The following PRR16 variants were observed in gnomAD, a reference collection of about 807,000 sequenced individuals.
PRR16 encodes the protein protein Largen.
A neutral mutation model predicts 18.2 loss-of-function variants in PRR16; 6 were observed. The observed-to-expected ratio is 0.33, with a 90% CI of 0.18 to 0.65. The LOEUF is 0.65. Ranked by LOEUF, PRR16 falls within the 30% of genes least tolerant of loss-of-function variation. The pLI is 0.74. For missense variants in PRR16, 412 were observed against 376.6 expected (o/e 1.09, Z -0.78); for synonymous variants, 151 against 147.8 (o/e 1.02, Z -0.16).
chr5:120,782,506 C>T, the PRR16 span, among the ~76,000 whole-genome samples: 1 of 152,100 alleles, frequency 6.6e-6, no homozygotes, highest in Non-Finnish European at 1.5e-5. Context: ...TTCCACATTT[C>T]CCTGGATAAG....
At chr5:120,621,326 G>C (rs17500705) in intron 1 of PRR16, among the ~76,000 whole-genome samples, 1 of 151,730 alleles carries the variant, frequency 6.6e-6, no homozygotes, top group African/African-American at 2.4e-5. Flanking sequence ...CCTGCTGCTT[G>C]TCTTGGAGGT....
chr5:120,643,197 A>G (rs1024829312), intron 1 of PRR16, among the ~76,000 whole-genome samples: 13 of 150,654 alleles, frequency 8.6e-5, no homozygotes, highest in Non-Finnish European at 1.5e-4. Flanking sequence ...CTAAAAAAAA[A>G]CAAAACAAAA....
At chr5:120,546,351 C>T (rs300961) in intron 1 of PRR16, among the ~76,000 whole-genome samples, 150,358 of 152,174 alleles carry the variant, frequency 0.99, 74,304 homozygotes, top group East Asian at 1. Flanking sequence ...AAATCAAAAT[C>T]AGTTGTTGCT....
chr5:120,789,334 G>A, the PRR16 span, among the ~76,000 whole-genome samples: 1 of 151,846 alleles, frequency 6.6e-6, no homozygotes, highest in African/African-American at 2.4e-5. Context: ...TGATAATTGT[G>A]GCATTTCTTT....
intron 1 of PRR16, among the ~76,000 whole-genome samples, chr5:120,651,889 GA>G (rs1755803431): frequency 6.6e-6 from 1 of 151,936 alleles, no homozygotes; most frequent in Non-Finnish European, 1.5e-5. Flanking sequence ...GCTTGATGGG[GA>G]TGGCATTGAA....
At chr5:120,658,833 A>G (rs1756075519) in intron 1 of PRR16, among the ~76,000 whole-genome samples, 1 of 151,976 alleles carries the variant, frequency 6.6e-6, no homozygotes, top group Non-Finnish European at 1.5e-5. Flanking sequence ...ATATAGTCTG[A>G]AATCAAATTA....
intron 1 of PRR16, among the ~76,000 whole-genome samples, chr5:120,530,974 TAGAAAC>T (rs1210747649): frequency 6.6e-6 from 1 of 152,192 alleles, no homozygotes; most frequent in Non-Finnish European, 1.5e-5. Flanking sequence ...CAACAAAAGT[TAGAAAC>T]AGAAATAGAT....
chr5:120,489,982 C>G (rs1287060156), intron 1 of PRR16, among the ~76,000 whole-genome samples: 1 of 152,176 alleles, frequency 6.6e-6, no homozygotes, highest in Non-Finnish European at 1.5e-5. Flanking sequence ...TATTGGCCCC[C>G]ACTCTCTTCT....
chr5:120,694,386 G>T, the PRR16 span, among the ~76,000 whole-genome samples: 1 of 152,206 alleles, frequency 6.6e-6, no homozygotes. Context: ...GTCGGCAAAT[G>T]AGCATGATAG....
At chr5:120,756,294 G>A in the PRR16 span, among the ~76,000 whole-genome samples, 1 of 152,088 alleles carries the variant, frequency 6.6e-6, no homozygotes, top group Non-Finnish European at 1.5e-5. Flanking sequence ...TTGAGCATGG[G>A]AAGTTGGAAT....
chr5:120,785,575 G>GTTGTTTTTTTTTTTTTTTTTTT, the PRR16 span, among the ~76,000 whole-genome samples: 22 of 115,418 alleles, frequency 1.9e-4, no homozygotes, highest in African/African-American at 4.7e-4. Flanking sequence ...TGTTGTTGTT[G>GTTGTTTTTTTTTTTTTTTTTTT]TTTTTTTTTT....
intron 1 of PRR16, among the ~76,000 whole-genome samples, chr5:120,585,935 T>G (rs1753426486): frequency 6.6e-6 from 1 of 151,958 alleles, no homozygotes; most frequent in African/African-American, 2.4e-5. Flanking sequence ...CAGCACTTTG[T>G]GAGGCCGAGG....
chr5:120,583,215 G>A (rs2112759206), intron 1 of PRR16, among the ~76,000 whole-genome samples: 1 of 152,288 alleles, frequency 6.6e-6, no homozygotes, highest in South Asian at 2.1e-4. Context: ...ATTGGTAGAG[G>A]CAGTTACAAA....
the PRR16 span, among the ~76,000 whole-genome samples, chr5:120,755,044 C>A: frequency 7.5e-5 from 7 of 93,878 alleles, no homozygotes; most frequent in African/African-American, 3.1e-4. Context: ...TTTCTTTTGT[C>A]ATTTTGGGAG....
intron 1 of PRR16, among the ~76,000 whole-genome samples, chr5:120,637,035 C>T (rs1260492026): frequency 1.3e-5 from 2 of 151,978 alleles, no homozygotes; most frequent in East Asian, 3.9e-4. Context: ...TGGAAAAATG[C>T]TCAACATCAC....
chr5:120,485,879 T>C (rs1173825801), intron 1 of PRR16, among the ~76,000 whole-genome samples: 1 of 152,144 alleles, frequency 6.6e-6, no homozygotes, highest in Admixed American at 6.5e-5. Context: ...AATTCCCACC[T>C]ATGAGTGAGA....
intron 1 of PRR16, among the ~76,000 whole-genome samples, chr5:120,470,701 T>C (rs1014377921): frequency 6.6e-6 from 1 of 152,140 alleles, no homozygotes; most frequent in Non-Finnish European, 1.5e-5. Context: ...TCTCAGCGCA[T>C]TTATTTATAT....
intron 1 of PRR16, among the ~76,000 whole-genome samples, chr5:120,475,225 C>T (rs1004062658): frequency 1.3e-5 from 2 of 152,092 alleles, no homozygotes; most frequent in Non-Finnish European, 2.9e-5. Flanking sequence ...TGATATTTCC[C>T]CCTTTAAGCT....
At chr5:120,632,408 G>A (rs1755087439) in intron 1 of PRR16, among the ~76,000 whole-genome samples, 2 of 152,102 alleles carry the variant, frequency 1.3e-5, no homozygotes, top group African/African-American at 2.4e-5. Flanking sequence ...AAAGAATTCA[G>A]AAGGTCAATT....
Sources: gnomAD v4.1 joint callset for allele counts (sites outside exome capture counted in the v4.1 genomes callset) on GRCh38, gnomAD v4.1.1 for gene constraint, MANE v1.5 for transcripts, NCBI Gene and HGNC (gene_info 2026-07-23, HGNC 2026-07-21) for gene names.